Variants in RANBP2 observed in about 807,000 individuals in gnomAD.
The protein encoded by RANBP2 is E3 SUMO-protein ligase RanBP2.
RANBP2 carries 57 observed loss-of-function variants against 303.6 expected under a neutral mutation model. The ratio of observed to expected loss-of-function variants is 0.19; its 90% CI spans 0.15 to 0.23. The LOEUF (loss-of-function observed/expected upper bound fraction) is 0.23, where lower values mean the gene tolerates loss of function less well. Ranked by LOEUF, RANBP2 falls within the 10% of genes least tolerant of loss-of-function variation. The pLI, the probability that RANBP2 is intolerant of heterozygous loss-of-function variation, is 1.00. For synonymous variants in RANBP2, 1,167 were observed against 1,301.5 expected (o/e 0.90, Z 2.23); for missense variants, 3,138 against 3,780.8 (o/e 0.83, Z 4.46).
the RANBP2 span, among the ~76,000 whole-genome samples, chr2:108,932,705 T>G: frequency 6.6e-6 from 1 of 152,100 alleles, no homozygotes; most frequent in Non-Finnish European, 1.5e-5. Context: ...CTTAAGGGCT[T>G]CTTCACTGAG....
the RANBP2 span, chr2:109,732,626 G>A: frequency 2.2e-6 from 1 of 461,324 alleles, no homozygotes; most frequent in Non-Finnish European, 4.3e-6. Flanking sequence ...ATAGGCACAT[G>A]CCACTGCACC....
the RANBP2 span, among the ~76,000 whole-genome samples, chr2:109,189,367 C>CTTT: frequency 7.4e-5 from 11 of 147,964 alleles, 1 homozygote; most frequent in Admixed American, 1.3e-4. Flanking sequence ...AGTCGTTTGA[C>CTTT]TTTTTTTTTT....
chr2:109,524,030 C>T, the RANBP2 span, among the ~76,000 whole-genome samples: 1,745 of 152,324 alleles, frequency 0.011, 33 homozygotes, highest in African/African-American at 0.039. Context: ...CTGCCTTCCC[C>T]GAGGGACAGG....
chr2:109,401,138 A>C, the RANBP2 span, among the ~76,000 whole-genome samples: 2 of 152,198 alleles, frequency 1.3e-5, no homozygotes, highest in Non-Finnish European at 2.9e-5. Context: ...GCAGGTTGTC[A>C]TGGTGGTGCT....
At chr2:109,339,089 C>T in the RANBP2 span, among the ~76,000 whole-genome samples, 2 of 152,170 alleles carry the variant, frequency 1.3e-5, no homozygotes, top group African/African-American at 4.8e-5. Flanking sequence ...ACATCTTCAT[C>T]ATCTTCACGT....
chr2:108,959,446 A>T, the RANBP2 span, among the ~76,000 whole-genome samples: 1 of 152,264 alleles, frequency 6.6e-6, no homozygotes. Context: ...AACCCAGTTC[A>T]GGTCCTCCTG....
the RANBP2 span, among the ~76,000 whole-genome samples, chr2:108,918,596 C>G: frequency 0.02 from 3,011 of 152,266 alleles, 83 homozygotes; most frequent in African/African-American, 0.069. Flanking sequence ...TGAGCGGGGA[C>G]TGGTTCTGCC....
At chr2:108,831,188 G>GA in the RANBP2 span, among the ~76,000 whole-genome samples, 2 of 151,428 alleles carry the variant, frequency 1.3e-5, no homozygotes, top group African/African-American at 2.4e-5. Flanking sequence ...CAAAAAAAAA[G>GA]AAAAAAAATC....
chr2:108,911,942 C>T, the RANBP2 span, among the ~76,000 whole-genome samples: 3 of 152,222 alleles, frequency 2.0e-5, no homozygotes, highest in Non-Finnish European at 2.9e-5. Flanking sequence ...GTCTGGATGA[C>T]ATAAGTGTTT....
At chr2:109,563,103 G>A in the RANBP2 span, among the ~76,000 whole-genome samples, 2 of 152,048 alleles carry the variant, frequency 1.3e-5, no homozygotes, top group African/African-American at 4.8e-5. Context: ...TAAAGACGGG[G>A]TTTCACCATG....
chr2:109,036,321 G>A, the RANBP2 span, among the ~76,000 whole-genome samples: 3 of 152,108 alleles, frequency 2.0e-5, no homozygotes, highest in African/African-American at 2.4e-5. Flanking sequence ...AAGAAAGAAC[G>A]TTTCCTGGCT....
At chr2:109,315,169 T>C in the RANBP2 span, among the ~76,000 whole-genome samples, 1 of 152,224 alleles carries the variant, frequency 6.6e-6, no homozygotes, top group African/African-American at 2.4e-5. Flanking sequence ...GCAGAAAGTC[T>C]TATTTGATGA....
chr2:109,290,550 A>C, the RANBP2 span, among the ~76,000 whole-genome samples: 3 of 152,234 alleles, frequency 2.0e-5, no homozygotes, highest in Non-Finnish European at 2.9e-5. Flanking sequence ...ATGTCCTCTG[A>C]CTATCCTTTG....
At chr2:109,006,224 C>G in the RANBP2 span, among the ~76,000 whole-genome samples, 1 of 151,838 alleles carries the variant, frequency 6.6e-6, no homozygotes, top group Non-Finnish European at 1.5e-5. Context: ...GACAGAGTCT[C>G]GCACTGTCGC....
the RANBP2 span, among the ~76,000 whole-genome samples, chr2:109,443,256 G>A: frequency 6.6e-6 from 1 of 152,246 alleles, no homozygotes; most frequent in Non-Finnish European, 1.5e-5. Flanking sequence ...ACCTGAGGCT[G>A]CCCTATTAAC....
chr2:108,829,351 G>A, the RANBP2 span, among the ~76,000 whole-genome samples: 1 of 152,124 alleles, frequency 6.6e-6, no homozygotes, highest in Non-Finnish European at 1.5e-5. Context: ...TTTCTCCAAA[G>A]ATAAAGAAAT....
the RANBP2 span, among the ~76,000 whole-genome samples, chr2:109,678,707 G>A: frequency 6.6e-6 from 1 of 152,200 alleles, no homozygotes; most frequent in Non-Finnish European, 1.5e-5. Context: ...CTCTGTGACT[G>A]TTTTTCCTTT....
chr2:108,735,138 G>A (rs1695469383), intron 4 of RANBP2, among the ~76,000 whole-genome samples: 1 of 152,212 alleles, frequency 6.6e-6, no homozygotes, highest in Non-Finnish European at 1.5e-5. Context: ...TAACAGAACA[G>A]TGGGAGGAGA....
At chr2:109,188,213 C>T in the RANBP2 span, among the ~76,000 whole-genome samples, 1 of 152,236 alleles carries the variant, frequency 6.6e-6, no homozygotes, top group Non-Finnish European at 1.5e-5. Flanking sequence ...TTTCCTGCTG[C>T]AGCTTTGCCA....
Sources: gnomAD v4.1 joint callset for allele counts (sites outside exome capture counted in the v4.1 genomes callset) on GRCh38, gnomAD v4.1.1 for gene constraint, MANE v1.5 for transcripts, NCBI Gene and HGNC (gene_info 2026-07-23, HGNC 2026-07-21) for gene names.